Variants in RMND1 observed in about 807,000 individuals in gnomAD.
The protein encoded by RMND1 is required for meiotic nuclear division 1 homolog, also known as required for meiotic nuclear division protein 1 homolog.
A neutral mutation model predicts 54.0 loss-of-function variants in RMND1; 41 were observed. That is an observed-to-expected ratio of 0.76 (90% CI 0.59 to 0.98). The LOEUF (loss-of-function observed/expected upper bound fraction) is 0.98, where lower values mean the gene tolerates loss of function less well. Among genes scored for constraint, RMND1 ranks in the 50% least tolerant of loss-of-function variants. The pLI, the probability that RMND1 is intolerant of heterozygous loss-of-function variation, is 0.00. For synonymous variants in RMND1, 183 were observed against 181.7 expected, an observed-to-expected ratio of 1.01 and a Z score of -0.06; for missense variants, 457 against 532.0, an observed-to-expected ratio of 0.86 and a Z score of 1.39.
intron 10 of RMND1, among the ~76,000 whole-genome samples, chr6:151,406,268 C>G (rs567615260): frequency 6.6e-6 from 1 of 152,326 alleles, no homozygotes; most frequent in East Asian, 1.9e-4. Flanking sequence ...TGCAACAGTT[C>G]TGCATTCCGA....
At chr6:151,425,831 C>T (rs1460449643) in intron 6 of RMND1, among the ~76,000 whole-genome samples, 20 of 152,150 alleles carry the variant, frequency 1.3e-4, no homozygotes, top group Admixed American at 1.2e-3. Flanking sequence ...CTTAGAAAAC[C>T]GTGACTGGCC....
chr6:151,434,570 C>T (rs1054035695), intron 3 of RMND1, among the ~76,000 whole-genome samples: 1 of 152,192 alleles, frequency 6.6e-6, no homozygotes, highest in Non-Finnish European at 1.5e-5. Context: ...TCAGCATCAG[C>T]CAACAATACC....
chr6:151,446,248 C>T (rs559719938), intron 1 of RMND1, among the ~76,000 whole-genome samples: 2 of 151,968 alleles, frequency 1.3e-5, no homozygotes, highest in South Asian at 2.1e-4. Context: ...CATGGTGAAA[C>T]CTCATCTCTA....
In RMND1 at chr6:151,406,356, TTTTTTG is replaced by T. The variant is rs776498036; in HGVS notation, c.1201-526_1201-521del. On this transcript the variant is annotated intron_variant, in intron 10 of 11. Transcript: ENST00000444024. ...TCAAAATTTGGATGTGACAACTTTT[TTTTTTG>T]TTGTTGTTGTTGTTTTTTGGGATGG... Among the ~76,000 whole-genome samples the T allele has an allele frequency of 1.6e-3, 231 of 146,916 alleles. 1 individual carries two copies. The highest frequency in any genetic ancestry group is 5.6e-3 in the African/African-American group (206 of 36,586).
intron 9 of RMND1, 79 bp downstream of exon 9, chr6:151,421,166 C>T (rs1780140299): frequency 2.9e-6 from 3 of 1,041,586 alleles, no homozygotes; most frequent in Admixed American, 4.3e-5. Flanking sequence ...AATGTTTGCT[C>T]TTCACCACAG....
At chr6:151,415,700 G>A (rs1478013168) in intron 10 of RMND1, among the ~76,000 whole-genome samples, 1 of 151,532 alleles carries the variant, frequency 6.6e-6, no homozygotes, top group Non-Finnish European at 1.5e-5. Context: ...GGCTGAGGCA[G>A]GAGAATGGCG....
At chr6:151,437,491 G>A (rs910069788) in intron 2 of RMND1, among the ~76,000 whole-genome samples, 4 of 152,138 alleles carry the variant, frequency 2.6e-5, no homozygotes, top group African/African-American at 9.7e-5. Context: ...AAGAGTATCA[G>A]AATAACAATA....
intron 2 of RMND1, among the ~76,000 whole-genome samples, chr6:151,442,698 T>G (rs1780817935): frequency 7.0e-6 from 1 of 143,280 alleles, no homozygotes; most frequent in African/African-American, 2.7e-5. Flanking sequence ...CCCGGCTTTT[T>G]TTTTTTTTTT....
chr6:151,449,824 C>CT (rs1781080856), intron 1 of RMND1, among the ~76,000 whole-genome samples: 1 of 152,236 alleles, frequency 6.6e-6, no homozygotes, highest in Non-Finnish European at 1.5e-5. Flanking sequence ...GGTTTTCGTA[C>CT]TTTTTTGGTG....
chr6:151,449,317 C>T (rs565064560), intron 1 of RMND1, among the ~76,000 whole-genome samples: 57 of 144,852 alleles, frequency 3.9e-4, no homozygotes, highest in African/African-American at 1.3e-3. Context: ...TGCAGTGAGC[C>T]GAGATCGCGC....
In RMND1 at chr6:151,405,253, C is replaced by G. The variant is rs773467095; in HGVS notation, c.1332G>C (p.Leu444=). 6.2e-7 allele frequency: 1 copy of G among 1,612,846 alleles called. No individual in the cohort carries two copies. The highest frequency in any genetic ancestry group is 1.1e-5 in the South Asian group (1 of 91,028). ...CACTTGATCAGAAAAATACTCGTCC[C>G]AGCTCAAACATTACCTTAGAATAGA... The part of the protein sequence containing the change: ...ILITIEVMFE[L]GRVFF Residue 444 remains leucine (L), a synonymous_variant, in exon 12 of 12, where the codon CTG becomes CTC. Coordinates refer to ENST00000444024, the MANE Select transcript of RMND1 (RefSeq NM_017909.4).
Position 151,417,271 on chromosome 6 carries a change from A to T in RMND1, c.1200+8T>A. 1 of 1,601,780 alleles carries T rather than the reference A, an allele frequency of 6.2e-7. No individual in the cohort carries two copies. Among genetic ancestry groups the T allele is most frequent in the Non-Finnish European group, 8.5e-7 (1 of 1,177,042 alleles). On this transcript the variant is annotated splice_region_variant and intron_variant, in intron 10 of 11. Transcript: ENST00000444024. ...CTTTTTCTCTCATTAGAAGTGCAAA[A>T]TACGTACCTTAACTCTTCGGCCAAT...
chr6:151,449,107 G>A (rs957441786), intron 1 of RMND1, among the ~76,000 whole-genome samples: 1 of 132,298 alleles, frequency 7.6e-6, no homozygotes, highest in Non-Finnish European at 1.6e-5. Context: ...GGTGGCTCAC[G>A]CCTGTAACCC....
chr6:151,412,552 G>GT (rs1305408167), intron 10 of RMND1, among the ~76,000 whole-genome samples: 4 of 152,132 alleles, frequency 2.6e-5, no homozygotes, highest in Non-Finnish European at 5.9e-5. Flanking sequence ...TTCTCTTCCT[G>GT]ACAGTCTCTC....
At chr6:151,406,825 C>T (rs1018882979) in intron 10 of RMND1, among the ~76,000 whole-genome samples, 3 of 152,218 alleles carry the variant, frequency 2.0e-5, no homozygotes, top group Middle Eastern at 3.4e-3. Flanking sequence ...GATTGGAATG[C>T]GTTAACTGCA....
intron 6 of RMND1, among the ~76,000 whole-genome samples, chr6:151,423,851 C>CTTTT (rs34456849): frequency 1.4e-5 from 2 of 140,188 alleles, no homozygotes; most frequent in South Asian, 2.3e-4. Context: ...TACAAGAAAA[C>CTTTT]TTTTTTTTTT....
intron 4 of RMND1, among the ~76,000 whole-genome samples, chr6:151,432,345 T>G (rs751311294): frequency 1.3e-5 from 2 of 152,216 alleles, no homozygotes; most frequent in Non-Finnish European, 2.9e-5. Flanking sequence ...GAATTAAATG[T>G]TGGAATCTTG....
rs753574640 is a variant in RMND1 at position 151,430,126 on chromosome 6, A to G, written c.729+12T>C. ...TAAATTTTTATATTTTCACATTTTT[A>G]TTTACACTTACAGTTTTGTCTTTCA... On this transcript the variant is annotated intron_variant, in intron 5 of 11. Transcript: ENST00000444024. 1 of 1,570,708 alleles carries G rather than the reference A, an allele frequency of 6.4e-7. No individual in the cohort carries two copies. The highest frequency in any genetic ancestry group is 1.1e-5 in the South Asian group (1 of 88,532).
intron 10 of RMND1, chr6:151,408,627 T>A (rs1779709362): frequency 6.6e-6 from 1 of 152,222 alleles, no homozygotes; most frequent in African/African-American, 2.4e-5. Context: ...GAAATTAAAG[T>A]TATTAATTAG....
Sources: allele counts gnomAD v4.1 joint callset (sites outside exome capture counted in the v4.1 genomes callset), GRCh38; gene constraint gnomAD v4.1.1; transcripts MANE v1.5; gene names NCBI Gene and HGNC (gene_info 2026-07-23, HGNC 2026-07-21).